CFI: variants seen among roughly 807,000 people sequenced by gnomAD.
The protein encoded by CFI is complement factor I.
CFI carries 66 observed loss-of-function variants against 78.8 expected under a neutral mutation model. That is an observed-to-expected ratio of 0.84 (90% CI 0.69 to 1.03). The LOEUF (loss-of-function observed/expected upper bound fraction) is 1.03, where lower values mean the gene tolerates loss of function less well. CFI is among the 50% of genes least tolerant of loss of function. CFI has a pLI of 0.00. For synonymous variants in CFI, 250 were observed against 232.6 expected, an observed-to-expected ratio of 1.07 and a Z score of -0.68; for missense variants, 706 against 704.5, an observed-to-expected ratio of 1.00 and a Z score of -0.02.
At chr4:109,794,604 C>T (rs756314250) in intron 1 of CFI, among the ~76,000 whole-genome samples, 1 of 151,986 alleles carries the variant, frequency 6.6e-6, no homozygotes, top group Non-Finnish European at 1.5e-5. Context: ...ACCAGCCTGG[C>T]CAACATGGTG....
intron 1 of CFI, among the ~76,000 whole-genome samples, chr4:109,775,380 C>A (rs575822755): frequency 2.6e-5 from 4 of 152,230 alleles, no homozygotes; most frequent in Non-Finnish European, 5.9e-5. Flanking sequence ...GGGTCCCACA[C>A]CCACGGAGCC....
At chr4:109,742,915 A>T (rs1723984479) in intron 11 of CFI, among the ~76,000 whole-genome samples, 1 of 152,220 alleles carries the variant, frequency 6.6e-6, no homozygotes, top group African/African-American at 2.4e-5. Context: ...ATCAGTGATA[A>T]GGTCTTTTCA....
intron 1 of CFI, among the ~76,000 whole-genome samples, chr4:109,780,939 T>C (rs1729935726): frequency 1.3e-5 from 2 of 152,116 alleles, no homozygotes; most frequent in African/African-American, 2.4e-5. Context: ...CAGGTGGGAA[T>C]TGAACAATGA....
chr4:109,752,565 T>TA, intron 7 of CFI, 62 bp from the exon 8 acceptor site: 1 of 1,354,814 alleles, frequency 7.4e-7, no homozygotes, highest in Non-Finnish European at 1.1e-6. Context: ...ATGAAATCAT[T>TA]AAAATCATTT....
At chr4:109,776,309 G>A (rs1729229748) in intron 1 of CFI, among the ~76,000 whole-genome samples, 1 of 152,186 alleles carries the variant, frequency 6.6e-6, no homozygotes, top group Non-Finnish European at 1.5e-5. Flanking sequence ...CATGGCACAA[G>A]AACTATTTGA....
intron 12 of CFI, among the ~76,000 whole-genome samples, chr4:109,741,725 C>G (rs1001467097): frequency 3.9e-5 from 6 of 152,194 alleles, no homozygotes; most frequent in Non-Finnish European, 8.8e-5. Context: ...AGGACACTTT[C>G]TTCTTACTCA....
chr4:109,800,871 T>C (rs563845040), intron 1 of CFI, among the ~76,000 whole-genome samples: 1 of 152,308 alleles, frequency 6.6e-6, no homozygotes, highest in East Asian at 1.9e-4. Flanking sequence ...GGCTATGTAA[T>C]AGTTCAATTT....
chr4:109,733,292 T>G, the CFI span, among the ~76,000 whole-genome samples: 4 of 152,194 alleles, frequency 2.6e-5, no homozygotes, highest in Admixed American at 6.5e-5. Context: ...AACTTCTAGA[T>G]GACCCACTTC....
At position 109,801,924 on chromosome 4, in the gene CFI, C is replaced by T. The variant is rs2125883379; in HGVS notation, c.48G>A (p.Arg16=). ...VFLLFLCFHL[R]FCKVTYTSQE... is the part of the protein sequence containing the mutation. ...AGGTTGAATTACTTACCTTGCAAAA[C>T]CTTAAGTGGAAGCACAGAAATAACA... The change falls in exon 1 of 13, where the codon AGG becomes AGA. Residue 16 remains arginine (R), a synonymous_variant. Coordinates refer to ENST00000394634, the MANE Select transcript of CFI (RefSeq NM_000204.5). The T allele has an allele frequency of 6.2e-7, 1 of 1,610,908 alleles. No individual in the cohort carries two copies. Among genetic ancestry groups the T allele is most frequent in the Non-Finnish European group, 8.5e-7 (1 of 1,177,752 alleles).
chr4:109,767,719 T>A (rs1345730613), intron 1 of CFI, among the ~76,000 whole-genome samples: 4 of 150,084 alleles, frequency 2.7e-5, no homozygotes, highest in Non-Finnish European at 4.5e-5. Context: ...TGGAAGTCAG[T>A]GTGGCGATTC....
chr4:109,761,704 A>G lies in CFI; in HGVS notation c.483-12T>C. ...GAGTATCAGCACCTCTGCAAATAGAATAAAGGAAACATTATGGTAGAATAA... is the reference window on the plus strand; with the variant it reads ...GAGTATCAGCACCTCTGCAAATAGAGTAAAGGAAACATTATGGTAGAATAA... On this transcript the variant is annotated splice_polypyrimidine_tract_variant and intron_variant, in intron 3 of 12. Transcript: ENST00000394634. 6.2e-7 allele frequency: 1 copy of G among 1,602,006 alleles called. No individual in the cohort carries two copies. The highest frequency in any genetic ancestry group is 8.5e-7 in the Non-Finnish European group (1 of 1,170,024).
At chr4:109,770,278 G>A (rs1479922524) in intron 1 of CFI, among the ~76,000 whole-genome samples, 2 of 152,186 alleles carry the variant, frequency 1.3e-5, no homozygotes, top group African/African-American at 2.4e-5. Flanking sequence ...GACTGGTTTT[G>A]ACTAGGCACA....
chr4:109,742,293 G>A (rs1218256711), intron 12 of CFI, 198 bp downstream of exon 12: 1 of 584,566 alleles, frequency 1.7e-6, no homozygotes, highest in Non-Finnish European at 3.1e-6. Flanking sequence ...ATCGCTTAAG[G>A]AGGATTTTTC....
intron 1 of CFI, among the ~76,000 whole-genome samples, chr4:109,800,200 A>G (rs144257679): frequency 9.2e-5 from 14 of 151,638 alleles, no homozygotes; most frequent in Non-Finnish European, 1.9e-4. Context: ...AATGCCACCC[A>G]TATGTGCCTG....
intron 11 of CFI, among the ~76,000 whole-genome samples, chr4:109,743,986 A>T (rs1389184835): frequency 1.3e-5 from 2 of 150,150 alleles, no homozygotes; most frequent in Non-Finnish European, 1.5e-5. Context: ...CCCTGTCTCA[A>T]AAAAAAAAAT....
At chr4:109,731,022 T>C in the CFI span, among the ~76,000 whole-genome samples, 3 of 152,164 alleles carry the variant, frequency 2.0e-5, no homozygotes, top group African/African-American at 7.2e-5. Flanking sequence ...CACAGCAGTT[T>C]CCAAGAATTT....
At chr4:109,748,636 G>A (rs577804346) in intron 10 of CFI, among the ~76,000 whole-genome samples, 1 of 152,094 alleles carries the variant, frequency 6.6e-6, no homozygotes, top group Non-Finnish European at 1.5e-5. Flanking sequence ...CTTTGCAGGA[G>A]GGGGCAAATG....
chr4:109,752,555 A>G, intron 7 of CFI, 52 bp from the exon 8 acceptor site: 1 of 1,457,406 alleles, frequency 6.9e-7, no homozygotes, highest in Non-Finnish European at 9.6e-7. Flanking sequence ...TATAGTCAAA[A>G]TGAAATCATT....
At chr4:109,748,601 C>T (rs1724757852) in intron 10 of CFI, among the ~76,000 whole-genome samples, 1 of 152,034 alleles carries the variant, frequency 6.6e-6, no homozygotes, top group Non-Finnish European at 1.5e-5. Flanking sequence ...TCATTTCTGG[C>T]AGGGGAAACA....
Sources: allele counts gnomAD v4.1 joint callset (sites outside exome capture counted in the v4.1 genomes callset), GRCh38; gene constraint gnomAD v4.1.1; transcripts MANE v1.5; gene names NCBI Gene and HGNC (gene_info 2026-07-23, HGNC 2026-07-21).